The following ASXL2 variants were observed in gnomAD, a reference collection of about 807,000 sequenced individuals.
ASXL2 encodes putative Polycomb group protein ASXL2.
Under a neutral mutation model 122.0 loss-of-function variants are expected in ASXL2, and 23 were observed. The observed-to-expected ratio is 0.19, with a 90% confidence interval of 0.14 to 0.27. The LOEUF (loss-of-function observed/expected upper bound fraction) is 0.27. ASXL2 is among the 10% of genes least tolerant of loss of function. The probability of loss-of-function intolerance (pLI) is 1.00; values close to 1 mark genes in which losing one functional copy is unlikely to be tolerated. For missense variants in ASXL2, 1,518 were observed against 1,713.8 expected (o/e 0.89, Z 2.02); for synonymous variants, 650 against 637.0 (o/e 1.02, Z -0.31).
rs2090029113 is a variant in ASXL2 at position 25,878,422 on chromosome 2, C to T, written c.-200G>A. ...ATGGGGCGGCCGGTCCTCTTGCTGC[C>T]GTTGCCACTGCTACCGCCGCTGCCA... On this transcript the variant is annotated 5_prime_UTR_variant, in exon 1 of 13. Coordinates refer to ENST00000435504, the MANE Select transcript of ASXL2 (RefSeq NM_018263.6). 1.8e-5 allele frequency: 11 copies of T among 599,260 alleles called. No individual in the cohort carries two copies. The highest frequency in any genetic ancestry group is 6.0e-5 in the Admixed American group (2 of 33,436). The allele number at this position is 599,260 out of a possible 1,614,324, so 37.1% of individuals were successfully genotyped here. A position where few individuals can be genotyped will look rare whatever the true frequency, so the allele number is the denominator to read the frequency against.
At position 25,767,640 on chromosome 2, in the gene ASXL2, T is replaced by C. The variant is rs1350551394; in HGVS notation, c.718A>G (p.Asn240Asp). ...SSFSSSVKVE[N>D]TLLGLGKKSF... ...TTCTTCCCCAAGCCTAGTAAAGTAT[T>C]TTCCACTTTAACTGAGGAAGAAAAG... The change falls in exon 8 of 13, where the codon AAT becomes GAT. Residue 240 changes from asparagine to aspartate, a missense_variant. Asn to Asp is a conservative substitution (Grantham distance 23, BLOSUM62 1). Around this residue, in one of 8 missense-constraint regions of ASXL2, gnomAD observed 198 missense variants for 209.0 expected, o/e 0.95. Coordinates refer to ENST00000435504, the MANE Select transcript of ASXL2 (RefSeq NM_018263.6). 3.7e-6 allele frequency: 6 copies of C among 1,613,956 alleles called. No homozygotes were observed. Among genetic ancestry groups the C allele is most frequent in the Middle Eastern group, 1.6e-4 (1 of 6,062 alleles).
chr2:25,867,089 G>A (rs371829725), intron 1 of ASXL2, among the ~76,000 whole-genome samples: 217 of 152,088 alleles, frequency 1.4e-3, no homozygotes, highest in South Asian at 0.012. Context: ...TAGTAGAGAC[G>A]GGGTTTCTCC....
chr2:25,815,742 T>C (rs139340899), intron 3 of ASXL2, among the ~76,000 whole-genome samples: 2 of 152,324 alleles, frequency 1.3e-5, no homozygotes, highest in Non-Finnish European at 2.9e-5. Context: ...TGAAACTGAC[T>C]GGAGAACTTG....
chr2:25,851,395 A>G (rs974417868), intron 1 of ASXL2, among the ~76,000 whole-genome samples: 6 of 152,162 alleles, frequency 3.9e-5, no homozygotes, highest in African/African-American at 1.4e-4. Context: ...GTCCACTTAT[A>G]TACCATTTGT....
intron 5 of ASXL2, among the ~76,000 whole-genome samples, chr2:25,786,101 AG>A (rs2088739731): frequency 6.6e-6 from 1 of 152,210 alleles, no homozygotes; most frequent in South Asian, 2.1e-4. Context: ...AATTCACTAC[AG>A]GAATTATGTA....
intron 1 of ASXL2, among the ~76,000 whole-genome samples, chr2:25,867,159 CA>C (rs1235494736): frequency 6.6e-6 from 1 of 152,010 alleles, no homozygotes; most frequent in African/African-American, 2.4e-5. Context: ...CTTGGCCTCC[CA>C]AAGAGCTGGG....
chr2:25,745,707 A>C (rs933629912), intron 12 of ASXL2, among the ~76,000 whole-genome samples: 8 of 142,212 alleles, frequency 5.6e-5, no homozygotes, highest in Admixed American at 5.6e-4. Context: ...GCAGTGGCAG[A>C]ATCTCAGCTC....
intron 1 of ASXL2, among the ~76,000 whole-genome samples, chr2:25,846,012 G>C (rs1005482942): frequency 6.6e-6 from 1 of 152,150 alleles, no homozygotes; most frequent in Non-Finnish European, 1.5e-5. Flanking sequence ...GGCCTGGGGA[G>C]GAAAGCACAA....
chr2:25,810,579 C>T (rs2089153226), intron 3 of ASXL2: 4 of 728,186 alleles, frequency 5.5e-6, no homozygotes, highest in Non-Finnish European at 9.7e-6. Flanking sequence ...GCTCAGCTCT[C>T]TCCTCTGCAT....
intron 5 of ASXL2, among the ~76,000 whole-genome samples, chr2:25,773,677 A>C (rs1023913139): frequency 1.3e-5 from 2 of 150,906 alleles, no homozygotes; most frequent in African/African-American, 4.9e-5. Context: ...AAAAAAAAAA[A>C]ACAAAAATCA....
At chr2:25,801,056 A>G (rs1574423352) in intron 4 of ASXL2, among the ~76,000 whole-genome samples, 1 of 152,298 alleles carries the variant, frequency 6.6e-6, no homozygotes, top group East Asian at 1.9e-4. Flanking sequence ...CCTCTGGAGC[A>G]GCTGGGACTA....
In ASXL2 at chr2:25,742,439, T is replaced by C. The variant is rs1399150944; in HGVS notation, c.3898A>G (p.Ser1300Gly). 6.2e-7 allele frequency: 1 copy of C among 1,611,050 alleles called. No individual in the cohort carries two copies. ...SSTVLPLPAD[S>G]PTHQPLLLPP... ...AGGAGTAGGGGCTGGTGGGTGGGGC[T>C]GTCTGCAGGCAGAGGAAGAACAGTA... The change falls in exon 13 of 13, where the codon AGC becomes GGC. Residue 1300 changes from serine to glycine, a missense_variant. Physicochemically the swap from Ser to Gly is moderately conservative, Grantham distance 56. This residue lies in a region of ASXL2 where 831 missense variants were observed against 833.1 expected (regional missense o/e 1.00). Coordinates refer to ENST00000435504, the MANE Select transcript of ASXL2 (RefSeq NM_018263.6).
intron 12 of ASXL2, among the ~76,000 whole-genome samples, chr2:25,747,215 G>C (rs761339031): frequency 2.6e-5 from 4 of 152,168 alleles, no homozygotes; most frequent in Non-Finnish European, 5.9e-5. Flanking sequence ...TGACTGTATA[G>C]GGAATGTAAA....
intron 2 of ASXL2, among the ~76,000 whole-genome samples, chr2:25,841,431 T>A (rs1218302959): frequency 6.6e-6 from 1 of 152,218 alleles, no homozygotes; most frequent in Admixed American, 6.5e-5. Context: ...ATGCATCATA[T>A]GCTGAGGAGT....
At chr2:25,777,971 C>T (rs2088575193) in intron 5 of ASXL2, among the ~76,000 whole-genome samples, 3 of 152,018 alleles carry the variant, frequency 2.0e-5, no homozygotes, top group South Asian at 4.1e-4. Flanking sequence ...TCTTCATCTG[C>T]GTATTATGAT....
At chr2:25,801,620 TA>T (rs2089000176) in intron 4 of ASXL2, among the ~76,000 whole-genome samples, 1 of 152,146 alleles carries the variant, frequency 6.6e-6, no homozygotes, top group African/African-American at 2.4e-5. Flanking sequence ...TAAATATAAT[TA>T]TCTTCTTTTC....
At chr2:25,811,449 G>C (rs2089169282) in intron 3 of ASXL2, among the ~76,000 whole-genome samples, 1 of 151,570 alleles carries the variant, frequency 6.6e-6, no homozygotes. Flanking sequence ...ATAATTAACT[G>C]CAAAACATAC....
intron 1 of ASXL2, among the ~76,000 whole-genome samples, chr2:25,855,140 T>C (rs1182724774): frequency 1.3e-5 from 2 of 152,154 alleles, no homozygotes; most frequent in Admixed American, 6.6e-5. Context: ...CTCAACAAAA[T>C]AGCAAAGATT....
chr2:25,742,953 A>C lies in ASXL2; in HGVS notation c.3384T>G (p.Ile1128Met). ...TCTCTGAGCCCCGGCCGTAGGTAGA[A>C]ATATTCAGTAAGTAGTGCCCTGCCA... ...PAMAGHYLLN[I>M]STYGRGSESF... The change falls in exon 13 of 13, where the codon ATT (isoleucine) becomes ATG (methionine). Residue 1128 changes from isoleucine (I) to methionine (M), a missense_variant. By Grantham distance (10) the Ile-to-Met change is conservative (BLOSUM62 1). This residue lies in a region of ASXL2 where 831 missense variants were observed against 833.1 expected (regional missense o/e 1.00). Coordinates refer to ENST00000435504, the MANE Select transcript of ASXL2 (RefSeq NM_018263.6). The C allele has an allele frequency of 6.2e-7, 1 of 1,614,000 alleles. No homozygotes were observed. The highest frequency in any genetic ancestry group is 8.5e-7 in the Non-Finnish European group (1 of 1,179,902).
Sources: gnomAD v4.1 joint callset for allele counts (sites outside exome capture counted in the v4.1 genomes callset) on GRCh38, gnomAD v4.1.1 for gene constraint, gnomAD v4.1.1 regional missense constraint, MANE v1.5 for transcripts, NCBI Gene and HGNC (gene_info 2026-07-23, HGNC 2026-07-21) for gene names.